Variants in ZSCAN1 observed in about 807,000 individuals in gnomAD.
ZSCAN1 encodes the protein zinc finger and SCAN domain-containing protein 1.
A neutral mutation model predicts 23.8 loss-of-function variants in ZSCAN1; 23 were observed. The observed-to-expected ratio is 0.97, with a 90% CI of 0.70 to 1.37. The LOEUF is 1.37. Ranked by LOEUF, ZSCAN1 falls within the 40% of genes most tolerant of loss-of-function variation. ZSCAN1 has a pLI of 0.00. For synonymous variants in ZSCAN1, 236 were observed against 232.3 expected, an observed-to-expected ratio of 1.02 and a Z score of -0.15; for missense variants, 575 against 554.0, an observed-to-expected ratio of 1.04 and a Z score of -0.38.
Position 58,053,968 on chromosome 19 carries a change from T to C in ZSCAN1, c.1144T>C (p.Cys382Arg). ...APRSPKRPFQ[C>R]SVCGKAFPWM... Reference sequence around the variant, plus strand: ...TCGCAGCCCCAAAAGACCCTTCCAGTGTAGCGTCTGCGGGAAGGCCTTCCC... The same window carrying C: ...TCGCAGCCCCAAAAGACCCTTCCAGCGTAGCGTCTGCGGGAAGGCCTTCCC... The change falls in exon 6 of 6, where the codon TGT becomes CGT. Residue 382 changes from cysteine (C) to arginine (R), a missense_variant. Transcript: ENST00000282326. This position sits in a 1 kb window ranked among gnomAD's most constrained non-coding sequence, Gnocchi z 5.8. 2 of 1,604,862 alleles carry C rather than the reference T, an allele frequency of 1.2e-6. No individual in the cohort carries two copies. Among genetic ancestry groups the C allele is most frequent in the Non-Finnish European group, 1.7e-6 (2 of 1,174,554 alleles).
intron 4 of ZSCAN1, among the ~76,000 whole-genome samples, chr19:58,041,827 G>C (rs1215182330): frequency 6.6e-6 from 1 of 152,156 alleles, no homozygotes; most frequent in Non-Finnish European, 1.5e-5. Context: ...AGTAAGCTAT[G>C]ATCATGTTTC....
chr19:58,045,169 C>A lies in ZSCAN1; in HGVS notation c.465+4625C>A. ...AACTGCCACACCCTGACCCGCCAGG[C>A]GCGCAGGCAGTTGCTCCGGTTCTGT... On this transcript the variant is annotated intron_variant, in intron 4 of 5. Transcript: ENST00000282326. This position sits in a 1 kb window ranked among gnomAD's most constrained non-coding sequence, Gnocchi z 4.3. 4 of 1,058,672 alleles carry A rather than the reference C, an allele frequency of 3.8e-6. No individual in the cohort carries two copies. Among genetic ancestry groups the A allele is most frequent in the East Asian group, 4.8e-5 (2 of 41,856 alleles). The allele number at this position is 1,058,672 out of a possible 1,614,324, so 65.6% of individuals were successfully genotyped here.
chr19:58,037,397 GA>G (rs1282191607), intron 2 of ZSCAN1, among the ~76,000 whole-genome samples: 1 of 146,256 alleles, frequency 6.8e-6, no homozygotes, highest in Non-Finnish European at 1.5e-5. Flanking sequence ...TAAGTAAGGG[GA>G]AAAGTTGTGT....
In ZSCAN1 at chr19:58,040,461, C is replaced by G. The variant is rs765796829; in HGVS notation, c.382C>G (p.Leu128Val). The G allele has an allele frequency of 1.7e-5, 27 of 1,613,654 alleles. No homozygotes were observed. The highest frequency in any genetic ancestry group is 2.3e-5 in the Non-Finnish European group (27 of 1,179,970). The change falls in exon 4 of 6, where the codon CTG becomes GTG. Residue 128 changes from leucine to valine, a missense_variant. Transcript: ENST00000282326. This position sits in a 1 kb window ranked among gnomAD's most constrained non-coding sequence, Gnocchi z 5.8. Reference sequence around the variant, plus strand: ...TTTCTCCCGCACAGTTCTGGTATCTCTGGACTCGGTCGAACCCCAGGACTG... The same window carrying G: ...TTTCTCCCGCACAGTTCTGGTATCTGTGGACTCGGTCGAACCCCAGGACTG... ...QMCQQEVLVS[L>V]DSVEPQDWSF... is the part of the protein sequence containing the mutation.
intron 4 of ZSCAN1, among the ~76,000 whole-genome samples, chr19:58,050,157 G>A (rs922828228): frequency 5.9e-5 from 9 of 151,788 alleles, no homozygotes; most frequent in South Asian, 4.2e-4. Context: ...ATTCCTGGCC[G>A]GACACGGTGG....
rs2073778553 is a variant in ZSCAN1 at position 58,040,366 on chromosome 19, A to G, written c.371-84A>G. On this transcript the variant is annotated intron_variant, in intron 3 of 5. Coordinates refer to ENST00000282326, the MANE Select transcript of ZSCAN1 (RefSeq NM_182572.4). This position sits in a 1 kb window ranked among gnomAD's most constrained non-coding sequence, Gnocchi z 5.8. ...AGGGGTGCTGCAGGGATGTTCGGGGAAAGTCTGCCCTCCCCAGAAGGCCTG... is the reference window on the plus strand; with the variant it reads ...AGGGGTGCTGCAGGGATGTTCGGGGGAAGTCTGCCCTCCCCAGAAGGCCTG... 2.1e-6 allele frequency: 3 copies of G among 1,445,878 alleles called. No individual in the cohort carries two copies. Among genetic ancestry groups the G allele is most frequent in the South Asian group, 2.3e-5 (2 of 85,548 alleles). The allele number at this position is 1,445,878 out of a possible 1,614,324, so 89.6% of individuals were successfully genotyped here.
At chr19:58,056,481 C>T (rs1485384238), downstream of ZSCAN1, among the ~76,000 whole-genome samples, 1 of 152,232 alleles carries the variant, frequency 6.6e-6, no homozygotes, top group Non-Finnish European at 1.5e-5. Flanking sequence ...CACCGGGACA[C>T]CATTGTGGGC....
rs747900160 is a variant in ZSCAN1 at position 58,040,430 on chromosome 19, G to A, written c.371-20G>A. ...TCTGGGAAGAACAGGCCCCTCTCACGATCCCTTTCTCCCGCACAGTTCTGG... is the reference window on the plus strand; with the variant it reads ...TCTGGGAAGAACAGGCCCCTCTCACAATCCCTTTCTCCCGCACAGTTCTGG... On this transcript the variant is annotated intron_variant, in intron 3 of 5. Transcript: ENST00000282326. This position sits in a 1 kb window ranked among gnomAD's most constrained non-coding sequence, Gnocchi z 5.8. 5.0e-6 allele frequency: 8 copies of A among 1,612,748 alleles called. No individual in the cohort carries two copies. The highest frequency in any genetic ancestry group is 1.7e-4 in the Middle Eastern group (1 of 6,056).
At chr19:58,042,953 T>G (rs2123427736) in intron 4 of ZSCAN1, among the ~76,000 whole-genome samples, 1 of 152,324 alleles carries the variant, frequency 6.6e-6, no homozygotes, top group African/African-American at 2.4e-5. Flanking sequence ...CGAGCTGCAC[T>G]TGTGGAGGGA....
At chr19:58,037,379 A>C (rs1010979664) in intron 2 of ZSCAN1, among the ~76,000 whole-genome samples, 2 of 151,850 alleles carry the variant, frequency 1.3e-5, no homozygotes, top group African/African-American at 2.4e-5. Context: ...TGAGAGGGAG[A>C]TAGACACTAA....
At position 58,047,469 on chromosome 19, in the gene ZSCAN1, C is replaced by T. The variant is rs2073833356; in HGVS notation, c.466-5021C>T. On this transcript the variant is annotated intron_variant, in intron 4 of 5. Transcript: ENST00000282326. The surrounding 1 kb of genome is among the most constrained non-coding windows in gnomAD (Gnocchi z 4.9). ...CACAGAGTTTTCCCACGCTGGTCGG[C>T]CTGCCCCAAGAGCCATCTCTGACCC... 6.6e-5 allele frequency among the ~76,000 whole-genome samples: 10 copies of T among 152,162 alleles called. No individual in the cohort carries two copies. Among genetic ancestry groups the T allele is most frequent in the Admixed American group, 6.5e-4 (10 of 15,278 alleles).
chr19:58,042,217 C>T (rs1261229228), intron 4 of ZSCAN1, among the ~76,000 whole-genome samples: 1 of 149,502 alleles, frequency 6.7e-6, no homozygotes, highest in Non-Finnish European at 1.5e-5. Context: ...CTATTTATTC[C>T]TAATTAGATG....
At chr19:58,046,109 C>T in intron 4 of ZSCAN1, 1 of 693,354 alleles carries the variant, frequency 1.4e-6, no homozygotes, top group African/African-American at 1.8e-5. Context: ...CCAGAAGTGC[C>T]TGACACTGTC....
At position 58,053,542 on chromosome 19, in the gene ZSCAN1, G is replaced by A. The variant is rs756641378; in HGVS notation, c.718G>A (p.Gly240Ser). ...AGGGACTGTGATCTCGAGCCCCAAG[G>A]GTCCAAGTGCTCAGAGAATCAGTCC... ...AEGTVISSPKGPSAQRISPRR... is the reference protein window; with the variant it reads ...AEGTVISSPKSPSAQRISPRR... Residue 240 changes from glycine to serine, a missense_variant, in exon 6 of 6, where the codon GGT becomes AGT. By Grantham distance (56) the Gly-to-Ser change is moderately conservative. Coordinates refer to ENST00000282326, the MANE Select transcript of ZSCAN1 (RefSeq NM_182572.4). This position sits in a 1 kb window ranked among gnomAD's most constrained non-coding sequence, Gnocchi z 5.8. 2.5e-6 allele frequency: 4 copies of A among 1,614,034 alleles called. No individual in the cohort carries two copies. The highest frequency in any genetic ancestry group is 3.4e-6 in the Non-Finnish European group (4 of 1,180,038).
Position 58,047,772 on chromosome 19 carries a change from A to G in ZSCAN1, c.466-4718A>G, listed in dbSNP as rs2073835422. The stretch of plus-strand genomic sequence containing the variant: ...GGCTGGTCACCGAGGCACGAAGACG[A>G]GGCACAGGGCATCCCCTGGGGCTTC... On this transcript the variant is annotated intron_variant, in intron 4 of 5. Transcript: ENST00000282326. This position sits in a 1 kb window ranked among gnomAD's most constrained non-coding sequence, Gnocchi z 4.9. Among the ~76,000 whole-genome samples, 1 of 152,096 alleles carries G rather than the reference A, an allele frequency of 6.6e-6. No individual in the cohort carries two copies.
chr19:58,043,952 C>T (rs961666230), intron 4 of ZSCAN1, among the ~76,000 whole-genome samples: 1 of 151,900 alleles, frequency 6.6e-6, no homozygotes, highest in Non-Finnish European at 1.5e-5. Context: ...CAGGCGTGAG[C>T]CACTGTGCCT....
chr19:58,047,384 G>A lies in ZSCAN1; in HGVS notation c.466-5106G>A, dbSNP rs564207335. On this transcript the variant is annotated intron_variant, in intron 4 of 5. Coordinates refer to ENST00000282326, the MANE Select transcript of ZSCAN1 (RefSeq NM_182572.4). This position sits in a 1 kb window ranked among gnomAD's most constrained non-coding sequence, Gnocchi z 4.9. ...CCGGTTCTCACCTGCAGTTTTCCTTGTGTATCGGAGCTCTTTCTTAACTTT... is the reference window on the plus strand; with the variant it reads ...CCGGTTCTCACCTGCAGTTTTCCTTATGTATCGGAGCTCTTTCTTAACTTT... Among the ~76,000 whole-genome samples the A allele has an allele frequency of 6.6e-6, 1 of 152,306 alleles. No individual in the cohort carries two copies. The highest frequency in any genetic ancestry group is 6.5e-5 in the Admixed American group (1 of 15,306).
intron 4 of ZSCAN1, among the ~76,000 whole-genome samples, chr19:58,048,214 A>G (rs535841774): frequency 6.6e-6 from 1 of 152,394 alleles, no homozygotes; most frequent in African/African-American, 2.4e-5. Flanking sequence ...TATTTGAGAA[A>G]GAAGTTTGTT....
At chr19:58,037,692 C>G in intron 2 of ZSCAN1, 36 bp from the exon 3 acceptor site, 1 of 1,052,718 alleles carries the variant, frequency 9.5e-7, no homozygotes, top group East Asian at 2.7e-5. Context: ...GGGCCACCAT[C>G]TGATGTGACC....
Sources: allele counts gnomAD v4.1 joint callset (sites outside exome capture counted in the v4.1 genomes callset), GRCh38; gene constraint gnomAD v4.1.1; non-coding constraint Gnocchi (gnomAD v3.1); transcripts MANE v1.5; gene names NCBI Gene and HGNC (gene_info 2026-07-23, HGNC 2026-07-21).